The following HBS1L variants were observed in gnomAD, a reference collection of about 807,000 sequenced individuals.
HBS1L encodes the protein HBS1 like translational GTPase.
HBS1L carries 55 observed loss-of-function variants against 88.9 expected under a neutral mutation model. That is an observed-to-expected ratio of 0.62 (90% CI 0.50 to 0.77). HBS1L has a LOEUF of 0.77. HBS1L is among the 30% of genes least tolerant of loss of function. The pLI is 0.00. For missense variants in HBS1L, 741 were observed against 829.3 expected, an observed-to-expected ratio of 0.89 and a Z score of 1.31; for synonymous variants, 267 against 288.5, an observed-to-expected ratio of 0.93 and a Z score of 0.76.
At chr6:134,984,779 C>A (rs1167640020) in intron 12 of HBS1L, among the ~76,000 whole-genome samples, 1 of 152,098 alleles carries the variant, frequency 6.6e-6, no homozygotes, top group Admixed American at 6.6e-5. Flanking sequence ...CTACGTTGGT[C>A]CTTCCTCAGC....
At chr6:134,971,163 TA>T (rs1446437946) in intron 15 of HBS1L, among the ~76,000 whole-genome samples, 1 of 150,730 alleles carries the variant, frequency 6.6e-6, no homozygotes, top group African/African-American at 2.4e-5. Flanking sequence ...AAAGTGGTAT[TA>T]TTTTTCAATG....
intron 4 of HBS1L, among the ~76,000 whole-genome samples, chr6:135,023,446 AAAC>A (rs61238805): frequency 2.0e-5 from 3 of 151,404 alleles, no homozygotes; most frequent in African/African-American, 4.8e-5. Context: ...TCCATCTCAA[AAAC>A]AACAACAACA....
In HBS1L at chr6:135,054,742, C is replaced by A; in HGVS notation, c.-51G>T. 1 of 1,608,228 alleles carries A rather than the reference C, an allele frequency of 6.2e-7. No individual in the cohort carries two copies. Among genetic ancestry groups the A allele is most frequent in the Non-Finnish European group, 8.5e-7 (1 of 1,175,578 alleles). Reference sequence around the variant, plus strand: ...GCCCCTTAACTCCTTCCAAAACACTCCGCTTAGATACTGATAAGGCGCCAA... The same window carrying A: ...GCCCCTTAACTCCTTCCAAAACACTACGCTTAGATACTGATAAGGCGCCAA... On this transcript the variant is annotated 5_prime_UTR_variant, in exon 1 of 18. Transcript: ENST00000367837.
chr6:135,037,837 C>G (rs527640997), intron 4 of HBS1L: 1 of 1,545,286 alleles, frequency 6.5e-7, no homozygotes, highest in Admixed American at 2.0e-5. Context: ...TTCACTTTTA[C>G]GTGTGTCAAG....
In HBS1L at chr6:134,986,718, A is replaced by C; in HGVS notation, c.1305+18T>G. 4.8e-6 allele frequency: 7 copies of C among 1,449,734 alleles called. No homozygotes were observed. Among genetic ancestry groups the C allele is most frequent in the Non-Finnish European group, 5.6e-6 (6 of 1,062,854 alleles). The allele number at this position is 1,449,734 out of a possible 1,614,324, so 89.8% of individuals were successfully genotyped here. ...GACTTAAGGAAAGTAATAACAAATAAATCTAAAATGATCTTACCTTAAAAC... is the reference window on the plus strand; with the variant it reads ...GACTTAAGGAAAGTAATAACAAATACATCTAAAATGATCTTACCTTAAAAC... On this transcript the variant is annotated intron_variant, in intron 10 of 17. Transcript: ENST00000367837.
At chr6:135,006,643 A>C (rs1775621446) in intron 4 of HBS1L, among the ~76,000 whole-genome samples, 1 of 152,232 alleles carries the variant, frequency 6.6e-6, no homozygotes, top group Admixed American at 6.5e-5. Context: ...TAAAGCAAGA[A>C]GTAGGAAAAA....
At chr6:135,016,485 T>G (rs568676803) in intron 4 of HBS1L, among the ~76,000 whole-genome samples, 3 of 152,318 alleles carry the variant, frequency 2.0e-5, no homozygotes, top group Admixed American at 2.0e-4. Context: ...TACTGTCCAC[T>G]TAACATTCTG....
At chr6:134,984,466 C>A (rs1774922070) in intron 12 of HBS1L, among the ~76,000 whole-genome samples, 1 of 152,096 alleles carries the variant, frequency 6.6e-6, no homozygotes, top group Admixed American at 6.6e-5. Context: ...ACAGAGGATA[C>A]AGAGAATACA....
At chr6:134,978,203 G>A (rs909752799) in intron 15 of HBS1L, among the ~76,000 whole-genome samples, 1 of 151,990 alleles carries the variant, frequency 6.6e-6, no homozygotes, top group African/African-American at 2.4e-5. Flanking sequence ...TATGGATTAT[G>A]CAAGTATATG....
intron 4 of HBS1L, among the ~76,000 whole-genome samples, chr6:135,005,856 A>G (rs1448503998): frequency 6.6e-6 from 1 of 152,232 alleles, no homozygotes; most frequent in East Asian, 1.9e-4. Context: ...TATTTTCTCC[A>G]TAATACAGCA....
chr6:135,054,765 C>CA lies in HBS1L; in HGVS notation c.-75dup. 1.3e-6 allele frequency: 2 copies of CA among 1,565,624 alleles called. No homozygotes were observed. Among genetic ancestry groups the CA allele is most frequent in the Non-Finnish European group, 1.8e-6 (2 of 1,142,206 alleles). ...CTCCGCTTAGATACTGATAAGGCGCCAACTGCAGCCTGGAGAACCCCTATG... is the reference window on the plus strand; with the variant it reads ...CTCCGCTTAGATACTGATAAGGCGCCAAACTGCAGCCTGGAGAACCCCTATG... On this transcript the variant is annotated 5_prime_UTR_variant, in exon 1 of 18. It removes the in-frame stop codon of an upstream open reading frame in the 5' UTR. Coordinates refer to ENST00000367837, the MANE Select transcript of HBS1L (RefSeq NM_006620.4).
At chr6:135,004,553 G>A (rs192538791) in intron 4 of HBS1L, among the ~76,000 whole-genome samples, 2 of 152,142 alleles carry the variant, frequency 1.3e-5, no homozygotes, top group Non-Finnish European at 2.9e-5. Flanking sequence ...GATGGGCAGG[G>A]CCAGACAGTG....
chr6:135,026,479 G>T (rs1033065308), intron 4 of HBS1L, among the ~76,000 whole-genome samples: 1 of 151,890 alleles, frequency 6.6e-6, no homozygotes, highest in Non-Finnish European at 1.5e-5. Flanking sequence ...AAATATAAAA[G>T]ACAACAACTT....
At chr6:134,983,140 G>C (rs772888555) in intron 12 of HBS1L, 1 of 152,198 alleles carries the variant, frequency 6.6e-6, no homozygotes, top group Non-Finnish European at 1.5e-5. Flanking sequence ...TGGGCTAAGA[G>C]TCATGTGTCA....
At chr6:135,034,670 G>A (rs771583161) in intron 4 of HBS1L, among the ~76,000 whole-genome samples, 7 of 152,094 alleles carry the variant, frequency 4.6e-5, no homozygotes, top group African/African-American at 7.2e-5. Context: ...TAACATTTTA[G>A]ATACTACTGT....
chr6:135,009,898 G>A (rs924158502), intron 4 of HBS1L, among the ~76,000 whole-genome samples: 6 of 151,940 alleles, frequency 3.9e-5, no homozygotes, highest in Admixed American at 1.3e-4. Flanking sequence ...CCAACGTGCT[G>A]GGATTACAGG....
chr6:135,003,002 G>A (rs1775508902), intron 4 of HBS1L, among the ~76,000 whole-genome samples, 160 bp from the exon 5 acceptor site: 1 of 152,072 alleles, frequency 6.6e-6, no homozygotes, highest in Admixed American at 6.6e-5. Flanking sequence ...TATTAATGCT[G>A]AAAGAAATTC....
intron 4 of HBS1L, among the ~76,000 whole-genome samples, chr6:135,019,340 A>T (rs139056188): frequency 6.6e-6 from 1 of 152,092 alleles, no homozygotes; most frequent in East Asian, 1.9e-4. Context: ...GACAAGAAAA[A>T]GTTCAGGAGA....
At position 135,054,682 on chromosome 6, in the gene HBS1L, G is replaced by A; in HGVS notation, c.10C>T (p.His4Tyr). The A allele has an allele frequency of 1.2e-6, 2 of 1,614,238 alleles. No individual in the cohort carries two copies. Among genetic ancestry groups the A allele is most frequent in the Non-Finnish European group, 1.7e-6 (2 of 1,180,036 alleles). MARHRNVRGYNYDE... is the reference protein window; with the variant it reads MARYRNVRGYNYDE... ...TAGTTATAGCCTCGAACATTCCGATGCCGGGCCATGACGGCGGAGAGGGCG... is the reference window on the plus strand; with the variant it reads ...TAGTTATAGCCTCGAACATTCCGATACCGGGCCATGACGGCGGAGAGGGCG... Residue 4 changes from histidine (H) to tyrosine (Y), a missense_variant, in exon 1 of 18, where the codon CAT becomes TAT. Transcript: ENST00000367837.
Sources: allele counts gnomAD v4.1 joint callset (sites outside exome capture counted in the v4.1 genomes callset), GRCh38; gene constraint gnomAD v4.1.1; transcripts MANE v1.5; gene names NCBI Gene and HGNC (gene_info 2026-07-23, HGNC 2026-07-21).